Variants in VWA3B observed in about 807,000 individuals in gnomAD.
VWA3B encodes von Willebrand factor A domain-containing protein 3B.
In VWA3B, 138 loss-of-function variants were observed where a neutral mutation model predicts 158.3. That is an observed-to-expected ratio of 0.87 (90% CI 0.76 to 1.00). The LOEUF (loss-of-function observed/expected upper bound fraction) is 1.00. Ranked by LOEUF, VWA3B falls within the 50% of genes least tolerant of loss-of-function variation. VWA3B has a pLI of 0.00. For missense variants in VWA3B, 1,555 were observed against 1,565.1 expected, an observed-to-expected ratio of 0.99 and a Z score of 0.11; for synonymous variants, 596 against 587.3, an observed-to-expected ratio of 1.01 and a Z score of -0.21.
intron 7 of VWA3B, among the ~76,000 whole-genome samples, chr2:98,159,235 TG>T (rs1678364565): frequency 6.6e-6 from 1 of 152,084 alleles, no homozygotes; most frequent in African/African-American, 2.4e-5. Context: ...GCCTGCAAAT[TG>T]TTTTTTTGTT....
intron 7 of VWA3B, among the ~76,000 whole-genome samples, chr2:98,147,097 T>C (rs2105140921): frequency 6.6e-6 from 1 of 152,308 alleles, no homozygotes; most frequent in Admixed American, 6.5e-5. Flanking sequence ...ACAATTGTGG[T>C]GTTTTAAAAG....
chr2:98,302,961 G>GA (rs930575293), intron 25 of VWA3B, among the ~76,000 whole-genome samples: 2 of 152,048 alleles, frequency 1.3e-5, no homozygotes, highest in Non-Finnish European at 2.9e-5. Flanking sequence ...CATCACCCCA[G>GA]AAAAAAACCC....
chr2:98,298,189 G>A (rs1324725642), intron 24 of VWA3B, among the ~76,000 whole-genome samples, 158 bp downstream of exon 24: 1 of 152,172 alleles, frequency 6.6e-6, no homozygotes, highest in Admixed American at 6.5e-5. Flanking sequence ...CCTGTTCTGG[G>A]ACCTGTCACC....
chr2:98,268,465 T>C (rs1010714202), intron 21 of VWA3B, among the ~76,000 whole-genome samples: 1 of 152,164 alleles, frequency 6.6e-6, no homozygotes, highest in Non-Finnish European at 1.5e-5. Context: ...TGAACCCCTC[T>C]AGTGAATTTT....
At chr2:98,279,375 C>T (rs551361866) in intron 22 of VWA3B, among the ~76,000 whole-genome samples, 1 of 152,156 alleles carries the variant, frequency 6.6e-6, no homozygotes, top group African/African-American at 2.4e-5. Context: ...GCTGGAGATT[C>T]GGCTGGGCAG....
intron 26 of VWA3B, among the ~76,000 whole-genome samples, chr2:98,308,892 C>G (rs1690703764): frequency 6.6e-6 from 1 of 152,222 alleles, no homozygotes; most frequent in South Asian, 2.1e-4. Context: ...AGACTCCTGT[C>G]CGGGGGCAGT....
chr2:98,117,781 ACT>A (rs1346668672), intron 3 of VWA3B, among the ~76,000 whole-genome samples: 4 of 118,560 alleles, frequency 3.4e-5, no homozygotes, highest in Non-Finnish European at 5.0e-5. Flanking sequence ...ATGGAGTTTC[ACT>A]CTGTCACCCA....
At chr2:98,124,540 A>C (rs1173370989) in intron 5 of VWA3B, among the ~76,000 whole-genome samples, 3 of 152,220 alleles carry the variant, frequency 2.0e-5, no homozygotes, top group African/African-American at 7.2e-5. Flanking sequence ...AAATGGGCTG[A>C]GACAGCAGAG....
chr2:98,312,254 A>G lies in VWA3B; in HGVS notation c.3790A>G (p.Ile1264Val). 6 of 1,614,130 alleles carry G rather than the reference A, an allele frequency of 3.7e-6. No homozygotes were observed. The highest frequency in any genetic ancestry group is 5.1e-6 in the Non-Finnish European group (6 of 1,180,022). ...GCGTCTAGGACTCAGCAGCCACGCC[A>G]TCATTGCCACACCTCCACCTCGAGC... is the stretch of plus-strand genomic sequence containing the variant. ...AGRLGLSSHA[I>V]IATPPPRAAL... The change falls in exon 28 of 28, where the codon ATC becomes GTC. Residue 1264 changes from isoleucine (I) to valine (V), a missense_variant. Physicochemically the swap from Ile to Val is conservative, Grantham distance 29. Coordinates refer to ENST00000477737, the MANE Select transcript of VWA3B (RefSeq NM_144992.5).
chr2:98,145,914 G>A (rs1190088326), intron 7 of VWA3B, among the ~76,000 whole-genome samples: 3 of 151,878 alleles, frequency 2.0e-5, no homozygotes, highest in Non-Finnish European at 4.4e-5. Flanking sequence ...GATTAGGGTT[G>A]GGTTTTGGGG....
chr2:98,242,129 G>T (rs965133826), intron 19 of VWA3B: 3 of 420,066 alleles, frequency 7.1e-6, no homozygotes, highest in African/African-American at 6.2e-5. Flanking sequence ...TGTGTTCTGT[G>T]CACGGCCACA....
At chr2:98,168,968 T>C (rs1320702119) in intron 8 of VWA3B, among the ~76,000 whole-genome samples, 1 of 152,216 alleles carries the variant, frequency 6.6e-6, no homozygotes, top group Non-Finnish European at 1.5e-5. Flanking sequence ...ATGAAAACTA[T>C]AGACCCAGAG....
chr2:98,262,162 A>G (rs1687527361), intron 21 of VWA3B, among the ~76,000 whole-genome samples: 2 of 151,710 alleles, frequency 1.3e-5, no homozygotes, highest in Admixed American at 1.3e-4. Flanking sequence ...AGTTGTTTAT[A>G]TATTCTGGAC....
At chr2:98,211,490 A>G (rs1683501332) in intron 12 of VWA3B, among the ~76,000 whole-genome samples, 3 of 152,228 alleles carry the variant, frequency 2.0e-5, no homozygotes, top group African/African-American at 4.8e-5. Context: ...CCACATGTAC[A>G]TTGTTAGATT....
chr2:98,170,516 G>A (rs1416690996), intron 8 of VWA3B, among the ~76,000 whole-genome samples: 1 of 152,134 alleles, frequency 6.6e-6, no homozygotes, highest in Non-Finnish European at 1.5e-5. Flanking sequence ...GAGGGGGATG[G>A]TGCTTATTTT....
At chr2:98,182,442 T>G (rs1219023960) in intron 9 of VWA3B, among the ~76,000 whole-genome samples, 1 of 152,224 alleles carries the variant, frequency 6.6e-6, no homozygotes, top group Non-Finnish European at 1.5e-5. Flanking sequence ...GAAGAAAATA[T>G]AAAAACTGAA....
chr2:98,215,589 C>T (rs980598737), intron 13 of VWA3B, among the ~76,000 whole-genome samples: 2 of 150,898 alleles, frequency 1.3e-5, no homozygotes, highest in African/African-American at 4.9e-5. Flanking sequence ...GCAATCTCGG[C>T]TCACTGCAAG....
chr2:98,165,090 G>A (rs1349574261), intron 8 of VWA3B, among the ~76,000 whole-genome samples: 1 of 152,212 alleles, frequency 6.6e-6, no homozygotes, highest in Non-Finnish European at 1.5e-5. Context: ...TTCACAATTA[G>A]GGGAGTTGGT....
intron 8 of VWA3B, among the ~76,000 whole-genome samples, chr2:98,170,297 G>A (rs1298689116): frequency 1.3e-5 from 2 of 152,170 alleles, no homozygotes; most frequent in Non-Finnish European, 2.9e-5. Context: ...ATCACATTGT[G>A]TAGTCATGCT....
Sources: gnomAD v4.1 joint callset for allele counts (sites outside exome capture counted in the v4.1 genomes callset) on GRCh38, gnomAD v4.1.1 for gene constraint, MANE v1.5 for transcripts, NCBI Gene and HGNC (gene_info 2026-07-23, HGNC 2026-07-21) for gene names.